UGT2B7: variants seen among roughly 807,000 people sequenced by gnomAD.
UGT2B7 encodes UDP glucuronosyltransferase family 2 member B7.
UGT2B7 carries 51 observed loss-of-function variants against 51.9 expected under a neutral mutation model. The observed-to-expected ratio is 0.98, with a 90% CI of 0.78 to 1.24. The LOEUF (loss-of-function observed/expected upper bound fraction) is 1.24. Among genes scored for constraint, UGT2B7 ranks in the 50% most tolerant of loss-of-function variants. The pLI, the probability that UGT2B7 is intolerant of heterozygous loss-of-function variation, is 0.00. For missense variants in UGT2B7, 727 were observed against 628.4 expected (o/e 1.16, Z -1.68); for synonymous variants, 225 against 211.6 (o/e 1.06, Z -0.55).
At chr4:69,052,188 G>T (rs1253380097) in intron 1 of UGT2B7, among the ~76,000 whole-genome samples, 2 of 151,994 alleles carry the variant, frequency 1.3e-5, no homozygotes, top group African/African-American at 2.4e-5. Context: ...TGTTTCAAAG[G>T]TATGACACAA....
At position 69,097,972 on chromosome 4, in the gene UGT2B7, G is replaced by T. The variant is rs147726082; in HGVS notation, c.722-568G>T. 1.8e-3 allele frequency among the ~76,000 whole-genome samples: 270 copies of T among 151,980 alleles called. 1 individual carries two copies. Among genetic ancestry groups the T allele is most frequent in the African/African-American group, 6.2e-3 (256 of 41,524 alleles). ...TTTCTCAAAAATTTCTAGCTATAAT[G>T]TACAAATATATTTACTTAAAAATAT... On this transcript the variant is annotated intron_variant, in intron 1 of 5. Transcript: ENST00000305231.
At chr4:69,077,208 G>A (rs933717536) in intron 1 of UGT2B7, among the ~76,000 whole-genome samples, 1 of 152,116 alleles carries the variant, frequency 6.6e-6, no homozygotes, top group African/African-American at 2.4e-5. Flanking sequence ...TTGAAGTCAG[G>A]CAGCATGATA....
chr4:69,076,310 G>A (rs953463688), intron 1 of UGT2B7, among the ~76,000 whole-genome samples: 7 of 152,180 alleles, frequency 4.6e-5, no homozygotes, highest in Non-Finnish European at 1.0e-4. Flanking sequence ...CAATGGGAAT[G>A]CTGAGTCAAA....
chr4:69,109,071 G>A lies in UGT2B7; in HGVS notation c.1310+749G>A, dbSNP rs77805222. Among the ~76,000 whole-genome samples the A allele has an allele frequency of 1.4e-3, 214 of 151,270 alleles. 1 individual carries two copies. The highest frequency in any genetic ancestry group is 5.0e-3 in the African/African-American group (206 of 41,268). On this transcript the variant is annotated intron_variant, in intron 5 of 5. Transcript: ENST00000305231. ...TTTTTCTGGTTTTAGTTTCATTCAT[G>A]TTGTTGTGTGTTTTAATACTTCATT... is the stretch of plus-strand genomic sequence containing the variant.
chr4:69,073,874 G>C (rs575839068), intron 1 of UGT2B7, among the ~76,000 whole-genome samples: 1 of 152,200 alleles, frequency 6.6e-6, no homozygotes, highest in South Asian at 2.1e-4. Context: ...TATCAGTCAA[G>C]CATTTGGTTT....
chr4:69,099,900 A>G (rs1294307557), intron 2 of UGT2B7, among the ~76,000 whole-genome samples: 1 of 152,026 alleles, frequency 6.6e-6, no homozygotes, highest in Non-Finnish European at 1.5e-5. Flanking sequence ...TTAAAAGTAG[A>G]CATATCAGTT....
At chr4:69,063,320 A>AAAAAAAAAAAAG (rs1560499389) in intron 1 of UGT2B7, among the ~76,000 whole-genome samples, 7 of 136,488 alleles carry the variant, frequency 5.1e-5, no homozygotes, top group African/African-American at 2.0e-4. Flanking sequence ...CTCCGTCTCA[A>AAAAAAAAAAAAG]AAAAAAAAAA....
intron 1 of UGT2B7, among the ~76,000 whole-genome samples, chr4:69,080,306 G>A (rs951773097): frequency 1.3e-5 from 2 of 152,064 alleles, no homozygotes; most frequent in African/African-American, 2.4e-5. Flanking sequence ...CCAGCACTTT[G>A]GGATGACAAG....
chr4:69,079,671 G>A (rs907118811), intron 1 of UGT2B7, among the ~76,000 whole-genome samples: 4 of 152,048 alleles, frequency 2.6e-5, no homozygotes, highest in African/African-American at 4.8e-5. Flanking sequence ...ATATTTTCTA[G>A]AAATTGGTGA....
Position 69,096,925 on chromosome 4 carries a change from A to G in UGT2B7, c.405A>G (p.Lys135=), listed in dbSNP as rs1156498096. 2 of 1,611,848 alleles carry G rather than the reference A, an allele frequency of 1.2e-6. No individual in the cohort carries two copies. ...KFCKDVVSNK[K]FMKKVQESRF... ...GTAAAGATGTAGTTTCAAATAAGAA[A>G]TTTATGAAAAAAGTACAAGAGTCAA... Residue 135 remains lysine (K), a synonymous_variant, in exon 1 of 6, where the codon AAA becomes AAG. Coordinates refer to ENST00000305231, the MANE Select transcript of UGT2B7 (RefSeq NM_001074.4).
rs144360792 is a variant in UGT2B7 at position 69,077,721 on chromosome 4, T to C, written c.-158-11751T>C. On this transcript the variant is annotated intron_variant, in intron 1 of 5. Coordinates refer to the UGT2B7 transcript ENST00000502942. ...TTTTTCTTAACATATAATCATGTCATCTGCAGAGACAATTTGACTTCCTCT... is the reference window on the plus strand; with the variant it reads ...TTTTTCTTAACATATAATCATGTCACCTGCAGAGACAATTTGACTTCCTCT... Among the ~76,000 whole-genome samples the C allele has an allele frequency of 7.2e-4, 109 of 152,202 alleles. 2 individuals carry two copies. The East Asian group carries it at 0.021, about 29-fold the overall frequency.
At chr4:69,062,450 G>A (rs1718368847) in intron 1 of UGT2B7, among the ~76,000 whole-genome samples, 1 of 152,166 alleles carries the variant, frequency 6.6e-6, no homozygotes, top group South Asian at 2.1e-4. Flanking sequence ...CAAACCTGAA[G>A]ACTTTGTTTA....
chr4:69,088,326 C>A (rs191417295), intron 1 of UGT2B7, among the ~76,000 whole-genome samples: 5 of 135,002 alleles, frequency 3.7e-5, no homozygotes, highest in African/African-American at 5.8e-5. Flanking sequence ...TCATCATTTT[C>A]CTGGATTATT....
chr4:69,086,597 A>G (rs935990301), intron 1 of UGT2B7, among the ~76,000 whole-genome samples: 19 of 151,822 alleles, frequency 1.3e-4, no homozygotes, highest in African/African-American at 4.3e-4. Context: ...TACTATTATC[A>G]TATCACAGTC....
At chr4:69,108,004 C>T in intron 4 of UGT2B7, 99 bp from the exon 5 acceptor site, 2 of 1,433,628 alleles carry the variant, frequency 1.4e-6, no homozygotes, top group South Asian at 2.4e-5. Flanking sequence ...TAATTTAGTT[C>T]AGTGTTTTAG....
intron 5 of UGT2B7, 117 bp downstream of exon 5, chr4:69,108,439 T>C (rs1719678336): frequency 1.1e-5 from 14 of 1,229,386 alleles, no homozygotes; most frequent in Middle Eastern, 2.0e-4. Flanking sequence ...TTAAATGATT[T>C]AACCAATCTG....
chr4:69,084,064 A>G (rs904393761), intron 1 of UGT2B7, among the ~76,000 whole-genome samples: 1 of 152,074 alleles, frequency 6.6e-6, no homozygotes, highest in Non-Finnish European at 1.5e-5. Context: ...ATACTTGTTG[A>G]AAGTTGAAAG....
intron 1 of UGT2B7, among the ~76,000 whole-genome samples, chr4:69,081,606 C>A (rs1414345873): frequency 1.3e-5 from 2 of 152,102 alleles, no homozygotes; most frequent in African/African-American, 4.8e-5. Context: ...AAAATTCATA[C>A]TTGTGGGAAT....
chr4:69,096,945 A>ATTT lies in UGT2B7; in HGVS notation c.425_426insTTT (p.Glu142delinsAspLeu). The ATTT allele has an allele frequency of 6.2e-7, 1 of 1,613,148 alleles. No individual in the cohort carries two copies. The highest frequency in any genetic ancestry group is 8.5e-7 in the Non-Finnish European group (1 of 1,179,722). ...AAGAAATTTATGAAAAAAGTACAAGAGTCAAGATTTGACGTCATTTTTGCA... is the reference window on the plus strand; with the variant it reads ...AAGAAATTTATGAAAAAAGTACAAGATTTGTCAAGATTTGACGTCATTTTTGCA... On this transcript the variant is annotated protein_altering_variant, in exon 1 of 6. Coordinates refer to ENST00000305231, the MANE Select transcript of UGT2B7 (RefSeq NM_001074.4).
Sources: gnomAD v4.1 joint callset for allele counts (sites outside exome capture counted in the v4.1 genomes callset) on GRCh38, gnomAD v4.1.1 for gene constraint, MANE v1.5 for transcripts, NCBI Gene and HGNC (gene_info 2026-07-23, HGNC 2026-07-21) for gene names.